Variants in FASN observed in about 807,000 individuals in gnomAD.
FASN encodes 3-hydroxyacyl-[acyl-carrier-protein] dehydratase.
In FASN, 50 loss-of-function variants were observed where a neutral mutation model predicts 250.0. The ratio of observed to expected loss-of-function variants is 0.20; its 90% CI spans 0.16 to 0.25. FASN has a LOEUF of 0.25. FASN is among the 10% of genes least tolerant of loss of function. The probability of loss-of-function intolerance (pLI) is 1.00; values close to 1 mark genes in which losing one functional copy is unlikely to be tolerated. For synonymous variants in FASN, 1,909 were observed against 1,584.0 expected (o/e 1.21, Z -4.87); for missense variants, 3,031 against 3,498.5 (o/e 0.87, Z 3.37).
chr17:82,094,449 C>T (rs1006039097), intron 3 of FASN, among the ~76,000 whole-genome samples: 4 of 151,722 alleles, frequency 2.6e-5, no homozygotes, highest in Non-Finnish European at 5.9e-5. Context: ...GGCTCAGCCT[C>T]CCCCTCAGGA....
intron 2 of FASN, 98 bp downstream of exon 2, chr17:82,096,221 G>A: frequency 6.3e-7 from 1 of 1,576,732 alleles, no homozygotes. Flanking sequence ...GCCAGTGCCT[G>A]GGTGGTGAGG....
chr17:82,085,249 C>T lies in FASN; in HGVS notation c.4276G>A (p.Glu1426Lys). 6.2e-7 allele frequency: 1 copy of T among 1,611,736 alleles called. No individual in the cohort carries two copies. Among genetic ancestry groups the T allele is most frequent in the Non-Finnish European group, 8.5e-7 (1 of 1,179,514 alleles). ...GGGCAGGGCCTGACCTTCAGAGACTCCACCCAGCGGAAGCTGGTATCGTCC... is the reference window on the plus strand; with the variant it reads ...GGGCAGGGCCTGACCTTCAGAGACTTCACCCAGCGGAAGCTGGTATCGTCC... ...PVDDTSFRWV[E>K]SLKGILADED... The change falls in exon 24 of 43, where the codon GAG becomes AAG. Residue 1426 changes from glutamate (E) to lysine (K), a missense_variant. Physicochemically the swap from Glu to Lys is moderately conservative, Grantham distance 56. Coordinates refer to ENST00000306749, the MANE Select transcript of FASN (RefSeq NM_004104.5).
Position 82,096,458 on chromosome 17 carries a change from G to A in FASN, c.-7-6C>T, listed in dbSNP as rs1195420360. 2 of 1,610,440 alleles carry A rather than the reference G, an allele frequency of 1.2e-6. No individual in the cohort carries two copies. Among genetic ancestry groups the A allele is most frequent in the African/African-American group, 2.7e-5 (2 of 74,946 alleles). ...CCACCTCCTCCATGGCTGCTCTGCA[G>A]GGCGGGCGGTGTGAGTGCCCCACAC... On this transcript the variant is annotated splice_polypyrimidine_tract_variant and splice_region_variant and intron_variant, in intron 1 of 42. Coordinates refer to ENST00000306749, the MANE Select transcript of FASN (RefSeq NM_004104.5).
Position 82,087,158 on chromosome 17 carries a change from G to C in FASN, c.3319C>G (p.Gln1107Glu). 1 of 1,610,384 alleles carries C rather than the reference G, an allele frequency of 6.2e-7. No individual in the cohort carries two copies. The highest frequency in any genetic ancestry group is 8.5e-7 in the Non-Finnish European group (1 of 1,179,232). The change falls in exon 21 of 43, where the codon CAG (glutamine) becomes GAG (glutamate). Residue 1107 changes from glutamine (Q) to glutamate (E), a missense_variant. Gln to Glu is a conservative substitution (Grantham distance 29). Transcript: ENST00000306749. ...LHTESAPRRQQEQQVPILEKF... is the reference protein window; with the variant it reads ...LHTESAPRRQEEQQVPILEKF... ...TCCAGGATGGGCACCTGCTGCTCCT[G>C]CTGCCGCCGCGGGGCCGACTCAGTG...
intron 28 of FASN, 39 bp from the exon 29 acceptor site, chr17:82,084,192 C>T: frequency 6.2e-7 from 1 of 1,608,798 alleles, no homozygotes; most frequent in Non-Finnish European, 8.5e-7. Flanking sequence ...GGCCTGGCCG[C>T]CATCCACGTG....
At chr17:82,086,127 C>T in intron 22 of FASN, 127 bp downstream of exon 22, 1 of 1,483,076 alleles carries the variant, frequency 6.7e-7, no homozygotes, top group Non-Finnish European at 9.0e-7. Flanking sequence ...CAGAACCACA[C>T]AGGGAACTGG....
rs375233495 is a variant in FASN at position 82,084,225 on chromosome 17, C to T, written c.4919+9G>A. 1.3e-5 allele frequency: 21 copies of T among 1,611,364 alleles called. No individual in the cohort carries two copies. The highest frequency in any genetic ancestry group is 1.8e-5 in the Non-Finnish European group (21 of 1,179,364). ...GTGGGGCCCAGGCTCACACCCTCGA[C>T]ACACTCACCAGTTGGAAGGCACATC... On this transcript the variant is annotated intron_variant, in intron 28 of 42. Coordinates refer to ENST00000306749, the MANE Select transcript of FASN (RefSeq NM_004104.5).
chr17:82,092,114 G>A (rs2034220547), intron 8 of FASN, among the ~76,000 whole-genome samples: 1 of 152,144 alleles, frequency 6.6e-6, no homozygotes, highest in Admixed American at 6.5e-5. Flanking sequence ...GGGACGGGTG[G>A]GCGACACGGG....
intron 1 of FASN, chr17:82,097,191 GCA>G (rs2034318612): frequency 1.9e-5 from 3 of 154,292 alleles, no homozygotes; most frequent in African/African-American, 7.2e-5. Flanking sequence ...GCCAGGACAC[GCA>G]GGTGTTGCCT....
Position 82,080,798 on chromosome 17 carries a change from C to T in FASN, c.6720G>A (p.Ser2240=), listed in dbSNP as rs749658578. ...TLMRLNSVQS[S]ERPLFLVHPI... is the part of the protein sequence containing the mutation. ...GGTGCACCAGGAACAGGGGCCGCTC[C>T]GAGCTCTGCACGGAGTTGAGCCGCA... Residue 2240 remains serine (S), a synonymous_variant, in exon 39 of 43, where the codon TCG becomes TCA. Transcript: ENST00000306749. 1.8e-5 allele frequency: 29 copies of T among 1,607,076 alleles called. No individual in the cohort carries two copies. Among genetic ancestry groups the T allele is most frequent in the Middle Eastern group, 3.4e-4 (2 of 5,850 alleles).
chr17:82,095,811 G>C (rs527770368), intron 2 of FASN, among the ~76,000 whole-genome samples: 1 of 152,240 alleles, frequency 6.6e-6, no homozygotes, highest in Non-Finnish European at 1.5e-5. Context: ...CTGTCAGGTA[G>C]AGCTGCTCTG....
rs920149225 is a variant in FASN at position 82,086,401 on chromosome 17, C to T, written c.3585G>A (p.Gln1195=). 3 of 1,610,894 alleles carry T rather than the reference C, an allele frequency of 1.9e-6. No homozygotes were observed. Among genetic ancestry groups the T allele is most frequent in the Non-Finnish European group, 2.5e-6 (3 of 1,179,892 alleles). The part of the protein sequence containing the change: ...ACRLQLNGNL[Q]LELAQVLAQE... ...GGGCCAGCACCTGCGCCAGCTCCAG[C>T]TGCAGGTTCCCGTTGAGCTGAAGCC... The change falls in exon 22 of 43, where the codon CAG becomes CAA. Residue 1195 remains glutamine (Q), a synonymous_variant. Coordinates refer to ENST00000306749, the MANE Select transcript of FASN (RefSeq NM_004104.5).
In FASN at chr17:82,083,752, G is replaced by T. The variant is rs1181749481; in HGVS notation, c.5218+20C>A. On this transcript the variant is annotated intron_variant, in intron 30 of 42. Coordinates refer to ENST00000306749, the MANE Select transcript of FASN (RefSeq NM_004104.5). The stretch of plus-strand genomic sequence containing the variant: ...CGGAGGCTAGGCAGGAGGCAGGTGG[G>T]GGCTGTGGGGGCCACTCACCCTTCC... 6.2e-7 allele frequency: 1 copy of T among 1,611,228 alleles called. No individual in the cohort carries two copies. Among genetic ancestry groups the T allele is most frequent in the Non-Finnish European group, 8.5e-7 (1 of 1,179,632 alleles).
chr17:82,085,182 C>A, intron 24 of FASN, 26 bp from the exon 25 acceptor site: 2 of 1,612,506 alleles, frequency 1.2e-6, no homozygotes, highest in Non-Finnish European at 1.7e-6. Context: ...GAGGGTCAGG[C>A]CACACTCGGC....
At chr17:82,091,126 TC>T in intron 9 of FASN, 57 bp from the exon 10 acceptor site, 1 of 1,605,168 alleles carries the variant, frequency 6.2e-7, no homozygotes, top group Non-Finnish European at 8.5e-7. Flanking sequence ...TGTGTGCCCA[TC>T]CCCGTCCCAG....
chr17:82,082,204 A>C, intron 35 of FASN, 44 bp from the exon 36 acceptor site: 1 of 1,601,002 alleles, frequency 6.2e-7, no homozygotes, highest in Non-Finnish European at 8.5e-7. Context: ...CATCCCCAGG[A>C]GCCCCCAACG....
At chr17:82,082,721 G>A in intron 33 of FASN, 43 bp from the exon 34 acceptor site, 2 of 1,601,248 alleles carry the variant, frequency 1.2e-6, no homozygotes, top group Non-Finnish European at 1.7e-6. Context: ...CCAGGGTACG[G>A]TCTCTTCCCT....
chr17:82,084,000 C>T lies in FASN; in HGVS notation c.5073G>A (p.Leu1691=). The change falls in exon 29 of 43, where the codon CTG becomes CTA. Residue 1691 remains leucine, a synonymous_variant. Coordinates refer to ENST00000306749, the MANE Select transcript of FASN (RefSeq NM_004104.5). ...GQAAIAIALS[L]GCRVFTTVGS... ...CCACGGTGGTGAAGACGCGGCAGCC[C>T]AGACTGAGGGCGATGGCGATGGCGG... is the stretch of plus-strand genomic sequence containing the variant. The T allele has an allele frequency of 1.3e-6, 2 of 1,539,292 alleles. No homozygotes were observed. The highest frequency in any genetic ancestry group is 1.7e-6 in the Non-Finnish European group (2 of 1,145,468).
In FASN at chr17:82,078,757, G is replaced by A. The variant is rs561962447; in HGVS notation, c.*386C>T. 7 of 331,546 alleles carry A rather than the reference G, an allele frequency of 2.1e-5. No individual in the cohort carries two copies. The highest frequency in any genetic ancestry group is 1.3e-4 in the African/African-American group (6 of 46,848). The allele number at this position is 331,546 out of a possible 1,614,324, so 20.5% of individuals were successfully genotyped here. A position where few individuals can be genotyped will look rare whatever the true frequency, so the allele number is the denominator to read the frequency against. On this transcript the variant is annotated 3_prime_UTR_variant, in exon 43 of 43. Transcript: ENST00000306749. This position sits in a 1 kb window ranked among gnomAD's most constrained non-coding sequence, Gnocchi z 5.4. ...TGGGGGCAGAGTGCGGGACCCACAC[G>A]CTGCCTGAGGAGTCTTGGCAGGGTG...
Sources: allele counts gnomAD v4.1 joint callset (sites outside exome capture counted in the v4.1 genomes callset), GRCh38; gene constraint gnomAD v4.1.1; non-coding constraint Gnocchi (gnomAD v3.1); transcripts MANE v1.5; gene names NCBI Gene and HGNC (gene_info 2026-07-23, HGNC 2026-07-21).